The following TBC1D32 variants were observed in gnomAD, a reference collection of about 807,000 sequenced individuals.
The protein encoded by TBC1D32 is TBC1 domain family member 32, also known as protein broad-minded.
A neutral mutation model predicts 170.3 loss-of-function variants in TBC1D32; 151 were observed. The ratio of observed to expected loss-of-function variants is 0.89; its 90% confidence interval spans 0.78 to 1.01. The LOEUF (loss-of-function observed/expected upper bound fraction) is 1.01, where lower values mean the gene tolerates loss of function less well. TBC1D32 is among the 50% of genes least tolerant of loss of function. The pLI is 0.00. For synonymous variants in TBC1D32, 498 were observed against 488.0 expected, an observed-to-expected ratio of 1.02 and a Z score of -0.27; for missense variants, 1,464 against 1,457.1, an observed-to-expected ratio of 1.00 and a Z score of -0.08.
chr6:121,322,185 T>C (rs1365885990), intron 1 of TBC1D32, among the ~76,000 whole-genome samples: 1 of 152,166 alleles, frequency 6.6e-6, no homozygotes, highest in Non-Finnish European at 1.5e-5. Context: ...AATCATGAAA[T>C]AAGAAATTGG....
intron 4 of TBC1D32, among the ~76,000 whole-genome samples, chr6:121,308,376 G>A (rs1012059696): frequency 1.3e-5 from 2 of 151,910 alleles, no homozygotes; most frequent in Non-Finnish European, 2.9e-5. Context: ...GGAATGGGAG[G>A]AAGAATGGTA....
At chr6:121,109,268 TA>T (rs1778984986) in intron 29 of TBC1D32, among the ~76,000 whole-genome samples, 1 of 152,074 alleles carries the variant, frequency 6.6e-6, no homozygotes. Context: ...TTAAGAAGAG[TA>T]AGGGAAGGCT....
intron 22 of TBC1D32, among the ~76,000 whole-genome samples, chr6:121,199,531 T>C (rs959265782): frequency 6.6e-6 from 1 of 151,352 alleles, no homozygotes; most frequent in African/African-American, 2.5e-5. Flanking sequence ...CAAGAATTGT[T>C]TGATTAAATT....
intron 20 of TBC1D32, among the ~76,000 whole-genome samples, chr6:121,233,189 T>C (rs1213722490): frequency 6.6e-6 from 1 of 152,162 alleles, no homozygotes; most frequent in Non-Finnish European, 1.5e-5. Flanking sequence ...TCTGTAGTTG[T>C]TCGGTAAAAT....
chr6:121,082,495 A>G (rs1488587148), intron 31 of TBC1D32, among the ~76,000 whole-genome samples: 1 of 151,858 alleles, frequency 6.6e-6, no homozygotes, highest in Non-Finnish European at 1.5e-5. Flanking sequence ...ATGGGGAGGG[A>G]TTATGGTAAT....
intron 17 of TBC1D32, 112 bp downstream of exon 17, chr6:121,255,216 A>G: frequency 1.9e-6 from 1 of 529,392 alleles, no homozygotes; most frequent in Non-Finnish European, 3.2e-6. Flanking sequence ...CTGTATATAT[A>G]CATTTACCAT....
chr6:121,174,167 A>G (rs1483416119), intron 22 of TBC1D32, among the ~76,000 whole-genome samples: 1 of 152,172 alleles, frequency 6.6e-6, no homozygotes, highest in Non-Finnish European at 1.5e-5. Context: ...AAATGAAAGT[A>G]TAATTGCAAA....
intron 22 of TBC1D32, among the ~76,000 whole-genome samples, chr6:121,198,247 T>TATATATATATATA (rs1299030623): frequency 7.7e-6 from 1 of 129,536 alleles, no homozygotes; most frequent in Admixed American, 1.0e-4. Flanking sequence ...ATATATATAT[T>TATATATATATATA]ATATATATAT....
At chr6:121,143,550 AT>A (rs1268140899) in intron 24 of TBC1D32, among the ~76,000 whole-genome samples, 2 of 152,106 alleles carry the variant, frequency 1.3e-5, no homozygotes, top group African/African-American at 4.8e-5. Flanking sequence ...AACCGAAGTG[AT>A]TTTTTTCCCA....
chr6:121,212,713 G>A (rs533086023), intron 21 of TBC1D32, among the ~76,000 whole-genome samples: 18 of 151,946 alleles, frequency 1.2e-4, no homozygotes, highest in East Asian at 7.8e-4. Context: ...CACCTGCCTC[G>A]GGCCCCCAAA....
rs376375094 is a variant in TBC1D32, at chr6:121,205,137, C to A, written c.2508G>T (p.Leu836Phe). The change falls in exon 22 of 32, where the codon TTG (leucine) becomes TTT (phenylalanine). Residue 836 changes from leucine to phenylalanine, a missense_variant. By Grantham distance (22) the Leu-to-Phe change is conservative (BLOSUM62 0). Coordinates refer to ENST00000398212, the MANE Select transcript of TBC1D32 (RefSeq NM_152730.6). ...VIDIIDRLII[L>F]NSEAKIRSLF... Reference sequence around the variant, plus strand: ...AAGAACGAATCTTAGCTTCAGAATTCAAAATTATAAGTCTATCAATAATAT... The same window carrying A: ...AAGAACGAATCTTAGCTTCAGAATTAAAAATTATAAGTCTATCAATAATAT... The A allele has an allele frequency of 6.6e-6, 10 of 1,518,186 alleles. No individual in the cohort carries two copies. Among genetic ancestry groups the A allele is most frequent in the South Asian group, 1.2e-5 (1 of 81,682 alleles). 94.0% of individuals were successfully genotyped at this position (1,518,186 alleles called of 1,614,324 possible).
At chr6:121,203,912 A>G (rs1048976648) in intron 22 of TBC1D32, among the ~76,000 whole-genome samples, 2 of 151,304 alleles carry the variant, frequency 1.3e-5, no homozygotes, top group Non-Finnish European at 2.9e-5. Context: ...TTTTTATATA[A>G]CTTAATAAAG....
At chr6:121,141,398 A>T (rs908070905) in intron 24 of TBC1D32, among the ~76,000 whole-genome samples, 7 of 152,212 alleles carry the variant, frequency 4.6e-5, no homozygotes, top group Non-Finnish European at 8.8e-5. Context: ...TTTGCAAAGC[A>T]CTTATCTCAA....
chr6:121,185,534 C>T (rs912528845), intron 22 of TBC1D32, among the ~76,000 whole-genome samples: 2 of 152,080 alleles, frequency 1.3e-5, no homozygotes, highest in Non-Finnish European at 2.9e-5. Flanking sequence ...CAGAGATGAT[C>T]TGACTACAGC....
chr6:121,224,806 T>C (rs1244444227), intron 20 of TBC1D32, among the ~76,000 whole-genome samples: 2 of 152,154 alleles, frequency 1.3e-5, no homozygotes, highest in African/African-American at 4.8e-5. Flanking sequence ...CAGTGGTTTT[T>C]AATAAAGGCT....
chr6:121,133,114 AACACT>A (rs1781619940), intron 24 of TBC1D32, among the ~76,000 whole-genome samples: 1 of 151,944 alleles, frequency 6.6e-6, no homozygotes, highest in East Asian at 1.9e-4. Context: ...TGGGAAGATT[AACACT>A]ACAAAATCAT....
At chr6:121,259,496 G>GCCC (rs1799490303) in intron 15 of TBC1D32, among the ~76,000 whole-genome samples, 2 of 152,084 alleles carry the variant, frequency 1.3e-5, no homozygotes, top group Admixed American at 1.3e-4. Context: ...TATTGATAAA[G>GCCC]ACCTCTAGTG....
intron 24 of TBC1D32, among the ~76,000 whole-genome samples, chr6:121,136,021 TG>T (rs1782031460): frequency 6.6e-6 from 1 of 152,078 alleles, no homozygotes; most frequent in African/African-American, 2.4e-5. Context: ...TAATGTCTAA[TG>T]CCCCCCAAAA....
chr6:121,327,769 C>T (rs1211140406), intron 1 of TBC1D32, among the ~76,000 whole-genome samples: 1 of 152,042 alleles, frequency 6.6e-6, no homozygotes, highest in Non-Finnish European at 1.5e-5. Context: ...GATTTTTATA[C>T]ATTATCTCTC....
Sources: allele counts gnomAD v4.1 joint callset (sites outside exome capture counted in the v4.1 genomes callset), GRCh38; gene constraint gnomAD v4.1.1; transcripts MANE v1.5; gene names NCBI Gene and HGNC (gene_info 2026-07-23, HGNC 2026-07-21).